Variants in PPP2R5A observed in about 807,000 individuals in gnomAD.
The protein encoded by PPP2R5A is serine/threonine-protein phosphatase 2A 56 kDa regulatory subunit alpha isoform.
PPP2R5A carries 25 observed loss-of-function variants against 64.2 expected under a neutral mutation model. The ratio of observed to expected loss-of-function variants is 0.39; its 90% CI spans 0.28 to 0.54. The LOEUF is 0.54. PPP2R5A is among the 20% of genes least tolerant of loss of function. The pLI is 0.67. For missense variants in PPP2R5A, 425 were observed against 576.3 expected, an observed-to-expected ratio of 0.74 and a Z score of 2.69; for synonymous variants, 198 against 201.2, an observed-to-expected ratio of 0.98 and a Z score of 0.13.
Position 212,356,623 on chromosome 1 carries a change from C to T in PPP2R5A, c.928-3C>T, listed in dbSNP as rs1659981919. 1 of 1,607,934 alleles carries T rather than the reference C, an allele frequency of 6.2e-7. No individual in the cohort carries two copies. Among genetic ancestry groups the T allele is most frequent in the Non-Finnish European group, 8.5e-7 (1 of 1,178,046 alleles). On this transcript the variant is annotated splice_polypyrimidine_tract_variant and splice_region_variant and intron_variant, in intron 8 of 12. Transcript: ENST00000261461. The stretch of plus-strand genomic sequence containing the variant: ...TTCATGCTAAACTTTTTCTTTTTCG[C>T]AGGTGATCAGAGGACTGCTGAAATT...
At chr1:212,298,845 A>C (rs1472242292) in intron 1 of PPP2R5A, among the ~76,000 whole-genome samples, 5 of 28,712 alleles carry the variant, frequency 1.7e-4, no homozygotes, top group African/African-American at 3.5e-4. Flanking sequence ...GGCGCCCCTC[A>C]CCTCCCGGAC....
In PPP2R5A at chr1:212,348,500, A is replaced by G; in HGVS notation, c.873+3A>G. On this transcript the variant is annotated splice_donor_region_variant and intron_variant, in intron 7 of 12. Coordinates refer to ENST00000261461, the MANE Select transcript of PPP2R5A (RefSeq NM_006243.4). ...GATTAGCTTTGTTTCATGCTCAGGTAAGTTTCAGAAACATTTCAGATGAAA... is the reference window on the plus strand; with the variant it reads ...GATTAGCTTTGTTTCATGCTCAGGTGAGTTTCAGAAACATTTCAGATGAAA... 1 of 1,535,328 alleles carries G rather than the reference A, an allele frequency of 6.5e-7. No individual in the cohort carries two copies. The highest frequency in any genetic ancestry group is 8.9e-7 in the Non-Finnish European group (1 of 1,117,530).
intron 1 of PPP2R5A, among the ~76,000 whole-genome samples, 153 bp downstream of exon 1, chr1:212,286,444 A>C (rs530296781): frequency 5.8e-4 from 89 of 152,168 alleles, no homozygotes; most frequent in Non-Finnish European, 1.0e-3. Context: ...GCGTCACCTC[A>C]CGCCCTCCTC....
chr1:212,286,408 T>TGAGC (rs1042734754), intron 1 of PPP2R5A, 117 bp downstream of exon 1: 284 of 1,155,908 alleles, frequency 2.5e-4, no homozygotes, highest in Non-Finnish European at 3.1e-4. Flanking sequence ...TGGTAGTGTG[T>TGAGC]GAGCCGAGTT....
chr1:212,354,585 G>C (rs1571613275), intron 8 of PPP2R5A, among the ~76,000 whole-genome samples: 3 of 152,242 alleles, frequency 2.0e-5, no homozygotes, highest in Non-Finnish European at 4.4e-5. Flanking sequence ...TTGGGAGGCT[G>C]AGGCAGGAGG....
chr1:212,289,983 A>G (rs1016629959), intron 1 of PPP2R5A, among the ~76,000 whole-genome samples: 1 of 152,228 alleles, frequency 6.6e-6, no homozygotes, highest in Non-Finnish European at 1.5e-5. Flanking sequence ...GAAGAAATCA[A>G]CCTAACCAGT....
intron 1 of PPP2R5A, chr1:212,307,014 C>G (rs1434192614): frequency 7.0e-6 from 1 of 143,860 alleles, no homozygotes; most frequent in African/African-American, 3.0e-5. Flanking sequence ...CCCACCTGTG[C>G]CTCCCAAGTG....
intron 1 of PPP2R5A, among the ~76,000 whole-genome samples, chr1:212,318,799 T>C (rs1230615384): frequency 6.6e-6 from 1 of 152,202 alleles, no homozygotes; most frequent in Non-Finnish European, 1.5e-5. Context: ...TTACATAGCA[T>C]TTACATTGTA....
At chr1:212,359,390 T>C (rs1435366114) in intron 12 of PPP2R5A, among the ~76,000 whole-genome samples, 1 of 152,210 alleles carries the variant, frequency 6.6e-6, no homozygotes, top group Non-Finnish European at 1.5e-5. Flanking sequence ...TAATATGTTG[T>C]CCTTGCAATA....
intron 1 of PPP2R5A, among the ~76,000 whole-genome samples, chr1:212,302,343 T>C (rs1658813387): frequency 6.6e-6 from 1 of 152,214 alleles, no homozygotes; most frequent in Non-Finnish European, 1.5e-5. Flanking sequence ...TTGGTTTTAG[T>C]ATTTCATTTA....
At chr1:212,321,218 G>T (rs12408016) in intron 1 of PPP2R5A, among the ~76,000 whole-genome samples, 4 of 135,792 alleles carry the variant, frequency 2.9e-5, no homozygotes, top group Non-Finnish European at 6.4e-5. Flanking sequence ...CTTCCCAGAC[G>T]GGGCGGCTGG....
chr1:212,335,312 C>A (rs897577158), intron 3 of PPP2R5A, among the ~76,000 whole-genome samples: 2 of 151,716 alleles, frequency 1.3e-5, no homozygotes, highest in Non-Finnish European at 2.9e-5. Context: ...CCCATCTCTA[C>A]TAAAAATACA....
At chr1:212,317,236 C>T (rs1185452718) in intron 1 of PPP2R5A, among the ~76,000 whole-genome samples, 1 of 151,632 alleles carries the variant, frequency 6.6e-6, no homozygotes, top group African/African-American at 2.4e-5. Flanking sequence ...GTTTTTATCT[C>T]TTTTTTTTGG....
At chr1:212,295,448 G>T (rs751612549) in intron 1 of PPP2R5A, among the ~76,000 whole-genome samples, 2 of 152,202 alleles carry the variant, frequency 1.3e-5, no homozygotes, top group African/African-American at 2.4e-5. Flanking sequence ...TAGGAAGGCG[G>T]ATTATTTGGA....
Position 212,360,893 on chromosome 1 carries a change from T to C in PPP2R5A, c.*123T>C, listed in dbSNP as rs2102453170. ...TAAAAGGCCAATTTTTTCTGGCAAC[T>C]GTAAATGGAAAAATATATGGACTAA... On this transcript the variant is annotated 3_prime_UTR_variant, in exon 13 of 13. Coordinates refer to ENST00000261461, the MANE Select transcript of PPP2R5A (RefSeq NM_006243.4). 1 of 927,040 alleles carries C rather than the reference T, an allele frequency of 1.1e-6. No homozygotes were observed. Among genetic ancestry groups the C allele is most frequent in the Non-Finnish European group, 1.5e-6 (1 of 671,190 alleles). The allele number at this position is 927,040 out of a possible 1,614,324, so 57.4% of individuals were successfully genotyped here.
intron 1 of PPP2R5A, among the ~76,000 whole-genome samples, chr1:212,323,259 T>C (rs1221022816): frequency 4.6e-5 from 7 of 152,222 alleles, no homozygotes; most frequent in Non-Finnish European, 8.8e-5. Context: ...TATCTGGCCT[T>C]CTCAACTTGC....
At chr1:212,337,217 A>T (rs1659605552) in intron 3 of PPP2R5A, among the ~76,000 whole-genome samples, 1 of 152,168 alleles carries the variant, frequency 6.6e-6, no homozygotes, top group Non-Finnish European at 1.5e-5. Flanking sequence ...TTTCCTAAGT[A>T]TTATTGCTTT....
intron 1 of PPP2R5A, among the ~76,000 whole-genome samples, chr1:212,307,985 G>A (rs936610188): frequency 1.3e-5 from 2 of 151,956 alleles, no homozygotes; most frequent in African/African-American, 4.8e-5. Flanking sequence ...TTATCTTCTT[G>A]CCTCAGAATA....
intron 3 of PPP2R5A, among the ~76,000 whole-genome samples, chr1:212,339,968 C>G (rs894173694): frequency 7.6e-6 from 1 of 130,960 alleles, no homozygotes. Flanking sequence ...ACTCTGCATT[C>G]TCTTCATCTC....
Sources: gnomAD v4.1 joint callset for allele counts (sites outside exome capture counted in the v4.1 genomes callset) on GRCh38, gnomAD v4.1.1 for gene constraint, MANE v1.5 for transcripts, NCBI Gene and HGNC (gene_info 2026-07-23, HGNC 2026-07-21) for gene names.